Variants in RBMS3 observed in about 807,000 individuals in gnomAD.
RBMS3 encodes the protein RNA binding motif single stranded interacting protein 3.
Under a neutral mutation model 66.8 loss-of-function variants are expected in RBMS3, and 27 were observed. The observed-to-expected ratio is 0.40, with a 90% CI of 0.30 to 0.56. The LOEUF is 0.56. Among genes scored for constraint, RBMS3 ranks in the 20% least tolerant of loss-of-function variants. The probability of loss-of-function intolerance (pLI) is 0.40; values close to 1 mark genes in which losing one functional copy is unlikely to be tolerated. For missense variants in RBMS3, 513 were observed against 549.5 expected (o/e 0.93, Z 0.66); for synonymous variants, 188 against 183.0 (o/e 1.03, Z -0.22).
At chr3:29,350,724 T>A (rs1466772563) in intron 1 of RBMS3, among the ~76,000 whole-genome samples, 1 of 152,174 alleles carries the variant, frequency 6.6e-6, no homozygotes, top group Non-Finnish European at 1.5e-5. Context: ...TTTAGGGGAA[T>A]AGTTTTAAAT....
intron 6 of RBMS3, among the ~76,000 whole-genome samples, chr3:29,851,452 A>T (rs928080430): frequency 6.6e-6 from 1 of 152,166 alleles, no homozygotes; most frequent in Non-Finnish European, 1.5e-5. Context: ...GGGTATACTT[A>T]ATTTACTTAA....
chr3:29,742,038 T>C (rs1340215378), intron 5 of RBMS3, among the ~76,000 whole-genome samples: 1 of 152,198 alleles, frequency 6.6e-6, no homozygotes, highest in East Asian at 1.9e-4. Flanking sequence ...GGGTACACAA[T>C]TCAGTTCATA....
chr3:29,334,736 G>GA (rs1413585172), intron 1 of RBMS3, among the ~76,000 whole-genome samples: 3 of 152,134 alleles, frequency 2.0e-5, no homozygotes, highest in Non-Finnish European at 4.4e-5. Flanking sequence ...AGAATCATTT[G>GA]AAAATATTTT....
chr3:29,498,133 T>C (rs557831747), intron 3 of RBMS3, among the ~76,000 whole-genome samples: 27 of 151,668 alleles, frequency 1.8e-4, no homozygotes, highest in South Asian at 8.4e-4. Context: ...TAGCTGGGAT[T>C]ACAGTCATGC....
rs1477892484 is a variant in RBMS3, at chr3:29,872,656, C to T, written c.744+3692C>T. Among the ~76,000 whole-genome samples the T allele has an allele frequency of 2.0e-5, 3 of 152,270 alleles. No homozygotes were observed. In the East Asian group the frequency reaches 5.8e-4, roughly 29 times the overall value. On this transcript the variant is annotated intron_variant, in intron 7 of 14. Transcript: ENST00000383767. ...TATATCTTATCATTTGGTAAATAGA[C>T]ACTGCCCCTAGGCCATCAGTGCAAC...
At position 29,775,792 on chromosome 3, in the gene RBMS3, A is replaced by C. The variant is rs561588884; in HGVS notation, c.637+12803A>C. ...GATAATAATATATTTAAACACTAGC[A>C]TGCAACTAATTGAACACTGTATATT... On this transcript the variant is annotated intron_variant, in intron 6 of 14. Coordinates refer to ENST00000383767, the MANE Select transcript of RBMS3 (RefSeq NM_001003793.3). Among the ~76,000 whole-genome samples the C allele has an allele frequency of 6.6e-4, 100 of 152,192 alleles. No homozygotes were observed. The Middle Eastern group carries it at 0.024, about 36-fold the overall frequency.
intron 2 of RBMS3, among the ~76,000 whole-genome samples, chr3:29,443,377 A>G (rs556667476): frequency 1.3e-5 from 2 of 152,142 alleles, no homozygotes; most frequent in East Asian, 3.9e-4. Context: ...AAGTTTTTCC[A>G]TATAATTTGC....
intron 12 of RBMS3, among the ~76,000 whole-genome samples, chr3:29,962,032 GTATAA>G (rs921981491): frequency 1.7e-4 from 24 of 141,608 alleles, no homozygotes; most frequent in Middle Eastern, 3.7e-3. Context: ...TATTTTGTAT[GTATAA>G]TATATTATAT....
At chr3:29,815,849 G>A (rs557501695) in intron 6 of RBMS3, among the ~76,000 whole-genome samples, 4 of 152,010 alleles carry the variant, frequency 2.6e-5, no homozygotes, top group African/African-American at 9.7e-5. Flanking sequence ...ACACTGCTTG[G>A]GTGATGGGTG....
At chr3:29,405,586 A>G (rs961047482) in intron 1 of RBMS3, among the ~76,000 whole-genome samples, 7 of 152,156 alleles carry the variant, frequency 4.6e-5, no homozygotes, top group African/African-American at 1.7e-4. Context: ...TAAGGTGGGA[A>G]GGAGAGAATA....
chr3:29,399,578 G>A (rs566887958), intron 1 of RBMS3, among the ~76,000 whole-genome samples: 48 of 152,264 alleles, frequency 3.2e-4, no homozygotes, highest in South Asian at 6.2e-4. Context: ...AATAGCTGCC[G>A]AACTTCCAGC....
At chr3:29,527,831 C>T (rs1156809579) in intron 3 of RBMS3, among the ~76,000 whole-genome samples, 1 of 139,294 alleles carries the variant, frequency 7.2e-6, no homozygotes, top group African/African-American at 2.7e-5. Flanking sequence ...GTGTGATGTT[C>T]CCCTTCCTGT....
chr3:29,401,192 A>T (rs1173421931), intron 1 of RBMS3, among the ~76,000 whole-genome samples: 1 of 152,114 alleles, frequency 6.6e-6, no homozygotes, highest in Non-Finnish European at 1.5e-5. Flanking sequence ...CCCAACAGGC[A>T]TACCTATTAA....
intron 12 of RBMS3, among the ~76,000 whole-genome samples, chr3:29,948,042 C>A (rs1695438273): frequency 2.0e-5 from 3 of 151,476 alleles, no homozygotes; most frequent in Admixed American, 1.3e-4. Context: ...ACTTGTGGAG[C>A]ATATTTTCAT....
At chr3:29,414,777 A>C (rs2040410971) in intron 1 of RBMS3, among the ~76,000 whole-genome samples, 1 of 152,190 alleles carries the variant, frequency 6.6e-6, no homozygotes, top group Non-Finnish European at 1.5e-5. Flanking sequence ...GTAAGGCAAA[A>C]TATGAGAAAG....
In RBMS3 at chr3:30,009,306, C is replaced by T. The variant is rs969942190; in HGVS notation, c.*5444C>T. 6.6e-6 allele frequency: 1 copy of T among 151,856 alleles called. No homozygotes were observed. The highest frequency in any genetic ancestry group is 6.6e-5 in the Admixed American group (1 of 15,242). The allele number at this position is 151,856 out of a possible 1,614,324, so 9.4% of individuals were successfully genotyped here. A position where few individuals can be genotyped will look rare whatever the true frequency, so the allele number is the denominator to read the frequency against. The stretch of plus-strand genomic sequence containing the variant: ...TCTGTTTCCTTTTATTAGCATGTCA[C>T]CTGAGGGTGGAACAAACAATTGGAA... On this transcript the variant is annotated 3_prime_UTR_variant, in exon 15 of 15. Transcript: ENST00000383767.
intron 4 of RBMS3, among the ~76,000 whole-genome samples, chr3:29,723,445 A>G (rs1457803345): frequency 2.0e-5 from 3 of 152,192 alleles, no homozygotes; most frequent in Non-Finnish European, 2.9e-5. Flanking sequence ...TAATTCACTT[A>G]TATAAGAAGG....
intron 10 of RBMS3, among the ~76,000 whole-genome samples, chr3:29,905,185 TG>T (rs1439223537): frequency 6.6e-6 from 1 of 152,050 alleles, no homozygotes. Context: ...ACATAATGAA[TG>T]GGTGTGCCTT....
At chr3:29,790,277 T>C (rs2056960012) in intron 6 of RBMS3, among the ~76,000 whole-genome samples, 1 of 152,216 alleles carries the variant, frequency 6.6e-6, no homozygotes, top group African/African-American at 2.4e-5. Flanking sequence ...CAAGATATAA[T>C]TGCACTATAA....
Sources: gnomAD v4.1 joint callset for allele counts (sites outside exome capture counted in the v4.1 genomes callset) on GRCh38, gnomAD v4.1.1 for gene constraint, MANE v1.5 for transcripts, NCBI Gene and HGNC (gene_info 2026-07-23, HGNC 2026-07-21) for gene names.